Variants in IFT74 observed in about 807,000 individuals in gnomAD.
IFT74 encodes intraflagellar transport 74.
IFT74 carries 92 observed loss-of-function variants against 96.7 expected under a neutral mutation model. That is an observed-to-expected ratio of 0.95 (90% CI 0.80 to 1.13). The LOEUF is 1.13. Ranked by LOEUF, IFT74 falls within the 50% of genes most tolerant of loss-of-function variation. IFT74 has a pLI of 0.00. For missense variants in IFT74, 811 were observed against 698.2 expected, an observed-to-expected ratio of 1.16 and a Z score of -1.82; for synonymous variants, 223 against 213.2, an observed-to-expected ratio of 1.05 and a Z score of -0.40.
chr9:26,986,083 G>A (rs1465485966), intron 6 of IFT74, among the ~76,000 whole-genome samples: 4 of 152,156 alleles, frequency 2.6e-5, no homozygotes, highest in African/African-American at 7.2e-5. Context: ...TTTAGGAGCA[G>A]TGATGTCTGG....
intron 1 of IFT74, among the ~76,000 whole-genome samples, chr9:26,949,375 T>C (rs1335972430): frequency 6.6e-6 from 1 of 152,168 alleles, no homozygotes; most frequent in Admixed American, 6.5e-5. Context: ...CCCAACTCAA[T>C]GTAAACAGTA....
At chr9:26,998,538 T>C (rs1828295438) in intron 8 of IFT74, among the ~76,000 whole-genome samples, 1 of 152,222 alleles carries the variant, frequency 6.6e-6, no homozygotes, top group South Asian at 2.1e-4. Context: ...AATATTCCCA[T>C]TTATATATGT....
At chr9:27,062,483 G>T in intron 19 of IFT74, 135 bp from the exon 20 acceptor site, 1 of 559,500 alleles carries the variant, frequency 1.8e-6, no homozygotes, top group Non-Finnish European at 3.2e-6. Context: ...TTAAAATGAT[G>T]TACTGTATTT....
intron 16 of IFT74, among the ~76,000 whole-genome samples, chr9:27,048,704 A>G (rs977077452): frequency 2.0e-5 from 3 of 152,210 alleles, no homozygotes; most frequent in African/African-American, 7.2e-5. Flanking sequence ...ATCAATGTAC[A>G]TGCTGGTTAG....
At chr9:27,032,740 C>G (rs1400473103) in intron 13 of IFT74, among the ~76,000 whole-genome samples, 1 of 151,888 alleles carries the variant, frequency 6.6e-6, no homozygotes, top group African/African-American at 2.4e-5. Context: ...GTGGTGTGTA[C>G]CTGTAATCCC....
chr9:27,008,879 C>T (rs1344178374), intron 8 of IFT74, 141 bp from the exon 9 acceptor site: 4 of 621,784 alleles, frequency 6.4e-6, no homozygotes, highest in African/African-American at 5.6e-5. Flanking sequence ...TTTTTTAGTA[C>T]AAATATAAAG....
Position 27,063,422 on chromosome 9 carries a change from T to G in IFT74, c.*686T>G, listed in dbSNP as rs1464834712. ...TGCTGTTCATTGCCACCCTGCAGTATGCATTTACTCTCTTGTACTATTAGG... is the reference window on the plus strand; with the variant it reads ...TGCTGTTCATTGCCACCCTGCAGTAGGCATTTACTCTCTTGTACTATTAGG... On this transcript the variant is annotated 3_prime_UTR_variant, in exon 20 of 20. Transcript: ENST00000380062. Among the ~76,000 whole-genome samples the G allele has an allele frequency of 6.6e-6, 1 of 152,150 alleles. No homozygotes were observed. The highest frequency in any genetic ancestry group is 6.5e-5 in the Admixed American group (1 of 15,268).
chr9:27,026,627 T>C (rs1829871333), intron 12 of IFT74, among the ~76,000 whole-genome samples: 1 of 152,106 alleles, frequency 6.6e-6, no homozygotes, highest in African/African-American at 2.4e-5. Context: ...TCAAGTATTC[T>C]CAGACCACAG....
At chr9:26,984,397 T>C in intron 5 of IFT74, 42 bp downstream of exon 5, 3 of 1,577,236 alleles carry the variant, frequency 1.9e-6, no homozygotes, top group African/African-American at 1.4e-5. Context: ...ATTTTGTGCT[T>C]ATAATACTAA....
intron 16 of IFT74, among the ~76,000 whole-genome samples, chr9:27,051,936 A>T (rs1819938271): frequency 6.6e-6 from 1 of 152,168 alleles, no homozygotes; most frequent in South Asian, 2.1e-4. Flanking sequence ...AATATTTAAG[A>T]ATATTTTCTC....
At chr9:26,976,259 C>G (rs1031356408) in intron 2 of IFT74, among the ~76,000 whole-genome samples, 4 of 152,170 alleles carry the variant, frequency 2.6e-5, no homozygotes, top group Admixed American at 2.6e-4. Flanking sequence ...GAATCCCCGA[C>G]AAGCCCCCAG....
intron 3 of IFT74, among the ~76,000 whole-genome samples, chr9:26,980,164 C>A (rs1186941386): frequency 6.6e-6 from 1 of 152,164 alleles, no homozygotes; most frequent in Non-Finnish European, 1.5e-5. Flanking sequence ...TAAATTAGTT[C>A]CCCAGTAGCA....
At chr9:26,961,883 G>A (rs1826376282) in intron 1 of IFT74, 66 bp from the exon 2 acceptor site, 1 of 1,532,304 alleles carries the variant, frequency 6.5e-7, no homozygotes, top group Non-Finnish European at 9.0e-7. Flanking sequence ...GTAAGGGTAT[G>A]ATGGGTCATT....
In IFT74 at chr9:26,987,097, C is replaced by T. The variant is rs528080232; in HGVS notation, c.466-1572C>T. 2.0e-5 allele frequency among the ~76,000 whole-genome samples: 3 copies of T among 151,916 alleles called. No individual in the cohort carries two copies. The South Asian group carries it at 6.3e-4, about 32-fold the overall frequency. On this transcript the variant is annotated intron_variant, in intron 6 of 19. Coordinates refer to ENST00000380062, the MANE Select transcript of IFT74 (RefSeq NM_025103.4). Reference sequence around the variant, plus strand: ...TGGAGTCTCGCTCTGTCATCCAGGCCGGAGTGCAGTGGCGTGATCTTGGCT... The same window carrying T: ...TGGAGTCTCGCTCTGTCATCCAGGCTGGAGTGCAGTGGCGTGATCTTGGCT...
chr9:27,006,114 G>A (rs951362163), intron 8 of IFT74, among the ~76,000 whole-genome samples: 3 of 152,054 alleles, frequency 2.0e-5, no homozygotes, highest in Non-Finnish European at 4.4e-5. Context: ...AAAGTGCTGG[G>A]ATTACAAGTG....
At chr9:27,006,534 A>C (rs1361240031) in intron 8 of IFT74, among the ~76,000 whole-genome samples, 1 of 151,796 alleles carries the variant, frequency 6.6e-6, no homozygotes, top group Non-Finnish European at 1.5e-5. Flanking sequence ...GAGTTTGAGC[A>C]TGCAGTGAGC....
At position 27,017,000 on chromosome 9, in the gene IFT74, G is replaced by T. The variant is rs765840452; in HGVS notation, c.883G>T (p.Asp295Tyr). The stretch of plus-strand genomic sequence containing the variant: ...CCATCGAGATCAAATGATTGCAGAA[G>T]ACAAAAGCATAGGATCTCCAATGGA... ...ESHRDQMIAEDKSIGSPMEER... is the reference protein window; with the variant it reads ...ESHRDQMIAEYKSIGSPMEER... Residue 295 changes from aspartate (D) to tyrosine (Y), a missense_variant, in exon 11 of 20, where the codon GAC becomes TAC. Coordinates refer to ENST00000380062, the MANE Select transcript of IFT74 (RefSeq NM_025103.4). 3.1e-6 allele frequency: 5 copies of T among 1,610,502 alleles called. No homozygotes were observed. In the South Asian group the frequency reaches 4.4e-5, roughly 14 times the overall value.
chr9:27,039,417 C>T (rs1041729062), intron 13 of IFT74, among the ~76,000 whole-genome samples: 5 of 152,140 alleles, frequency 3.3e-5, no homozygotes, highest in African/African-American at 9.7e-5. Flanking sequence ...GAAAATGTGG[C>T]TGGGCGTGGT....
intron 8 of IFT74, 121 bp from the exon 9 acceptor site, chr9:27,008,899 T>TCA: frequency 2.6e-6 from 2 of 758,726 alleles, no homozygotes; most frequent in Non-Finnish European, 4.1e-6. Context: ...GACTTTTCAG[T>TCA]CACACACTGT....
Sources: gnomAD v4.1 joint callset for allele counts (sites outside exome capture counted in the v4.1 genomes callset) on GRCh38, gnomAD v4.1.1 for gene constraint, MANE v1.5 for transcripts, NCBI Gene and HGNC (gene_info 2026-07-23, HGNC 2026-07-21) for gene names.